The following JUP variants were observed in gnomAD, a reference collection of about 807,000 sequenced individuals.
The protein encoded by JUP is catenin (cadherin-associated protein), gamma 80kDa.
Under a neutral mutation model 71.1 loss-of-function variants are expected in JUP, and 28 were observed. That is an observed-to-expected ratio of 0.39 (90% CI 0.29 to 0.54). The LOEUF (loss-of-function observed/expected upper bound fraction) is 0.54. Among genes scored for constraint, JUP ranks in the 20% least tolerant of loss-of-function variants. The pLI, the probability that JUP is intolerant of heterozygous loss-of-function variation, is 0.62. For missense variants in JUP, 869 were observed against 1,030.1 expected (o/e 0.84, Z 2.14); for synonymous variants, 401 against 438.9 (o/e 0.91, Z 1.08).
At chr17:41,770,292 G>A (rs1386030882) in intron 2 of JUP, among the ~76,000 whole-genome samples, 1 of 152,160 alleles carries the variant, frequency 6.6e-6, no homozygotes, top group Non-Finnish European at 1.5e-5. Context: ...CAGGAGCTGG[G>A]TCCTCAGCTG....
In JUP at chr17:41,755,878, G is replaced by A. The variant is rs545547083; in HGVS notation, c.2104C>T (p.Arg702Cys). The change falls in exon 14 of 14, where the codon CGC (arginine) becomes TGC (cysteine). Residue 702 changes from arginine (R) to cysteine (C), a missense_variant. Arg to Cys is a radical substitution (Grantham distance 180, BLOSUM62 -3). Transcript: ENST00000393931. ...GGCACATCGCTGGAGTACATGGGGC[G>A]GTAGGTGGCATCCATGTCTGGGGAC... is the stretch of plus-strand genomic sequence containing the variant. Reference protein sequence around the residue: ...PYGDDMDATYRPMYSSDVPLD... With the variant: ...PYGDDMDATYCPMYSSDVPLD... The A allele has an allele frequency of 1.1e-5, 18 of 1,609,990 alleles. No individual in the cohort carries two copies. Among genetic ancestry groups the A allele is most frequent in the African/African-American group, 4.0e-5 (3 of 74,936 alleles).
At chr17:41,757,597 G>A in intron 11 of JUP, 37 bp downstream of exon 11, 3 of 1,614,106 alleles carry the variant, frequency 1.9e-6, no homozygotes, top group African/African-American at 1.3e-5. Context: ...CGTGGCTGGG[G>A]GAGTGGGACC....
chr17:41,764,566 G>C, intron 7 of JUP, 147 bp downstream of exon 7: 1 of 605,808 alleles, frequency 1.7e-6, no homozygotes, highest in Non-Finnish European at 2.9e-6. Flanking sequence ...AAGAGATGAG[G>C]GTTTTCAAGG....
At chr17:41,768,908 G>A in intron 4 of JUP, 61 bp downstream of exon 4, 1 of 1,275,386 alleles carries the variant, frequency 7.8e-7, no homozygotes, top group Non-Finnish European at 1.1e-6. Flanking sequence ...CTCAGGGAAG[G>A]GAGGGGAGAG....
chr17:41,779,836 T>TTC (rs2047076244), intron 1 of JUP, among the ~76,000 whole-genome samples: 1 of 150,568 alleles, frequency 6.6e-6, no homozygotes, highest in Non-Finnish European at 1.5e-5. Context: ...TGGCTAATTT[T>TTC]TTTTTTTTTT....
rs781958880 is a variant in JUP, at chr17:41,758,480, G to T, written c.1692C>A (p.Thr564=). 6.2e-7 allele frequency: 1 copy of T among 1,613,848 alleles called. No homozygotes were observed. The highest frequency in any genetic ancestry group is 1.1e-5 in the South Asian group (1 of 91,066). The change falls in exon 10 of 14, where the codon ACC becomes ACA. Residue 564 remains threonine, a synonymous_variant. Coordinates refer to ENST00000393931, the MANE Select transcript of JUP (RefSeq NM_002230.4). The part of the protein sequence containing the change: ...VRMEEIVEGC[T]GALHILARDP... ...CCCGGGCGAGGATGTGCAGTGCTCC[G>T]GTGCAGCCCTCCACAATCTCCTCCA...
chr17:41,766,372 C>G (rs782424955), intron 5 of JUP, among the ~76,000 whole-genome samples: 2 of 151,978 alleles, frequency 1.3e-5, no homozygotes, highest in Non-Finnish European at 2.9e-5. Flanking sequence ...GAAAGGCAAT[C>G]TGTCATTATT....
At chr17:41,763,661 C>T (rs1915248675) in intron 7 of JUP, among the ~76,000 whole-genome samples, 1 of 152,104 alleles carries the variant, frequency 6.6e-6, no homozygotes, top group Non-Finnish European at 1.5e-5. Flanking sequence ...CCTCCTCAGG[C>T]CAAAGTACGG....
At chr17:41,785,451 A>T (rs1555611536) in intron 1 of JUP, among the ~76,000 whole-genome samples, 1 of 151,360 alleles carries the variant, frequency 6.6e-6, no homozygotes, top group Non-Finnish European at 1.5e-5. Context: ...AGCACTTTCC[A>T]CCCCCCACCC....
intron 9 of JUP, 96 bp downstream of exon 9, chr17:41,758,619 C>T: frequency 6.4e-7 from 1 of 1,570,762 alleles, no homozygotes; most frequent in Non-Finnish European, 8.7e-7. Context: ...TTGGAATTGG[C>T]ATCAGTTGCA....
chr17:41,784,775 ACT>A (rs1209819272), intron 1 of JUP, among the ~76,000 whole-genome samples: 2 of 151,016 alleles, frequency 1.3e-5, no homozygotes, highest in African/African-American at 2.4e-5. Context: ...GAGGTGGTAG[ACT>A]CTTCCCCTCC....
intron 1 of JUP, among the ~76,000 whole-genome samples, chr17:41,783,608 G>A (rs150011685): frequency 2.6e-5 from 4 of 151,796 alleles, no homozygotes; most frequent in Non-Finnish European, 5.9e-5. Context: ...TAAGGATTAA[G>A]TAAAAATAGT....
chr17:41,773,377 C>T (rs1333892748), intron 1 of JUP, among the ~76,000 whole-genome samples: 1 of 152,232 alleles, frequency 6.6e-6, no homozygotes, highest in Admixed American at 6.5e-5. Flanking sequence ...CAGCCGTGAG[C>T]ACACCCGGAA....
At chr17:41,756,011 C>CT in intron 13 of JUP, 116 bp from the exon 14 acceptor site, 1 of 1,409,348 alleles carries the variant, frequency 7.1e-7, no homozygotes, top group Non-Finnish European at 9.8e-7. Flanking sequence ...GGCCTGACCC[C>CT]TCCCCAGACC....
intron 8 of JUP, among the ~76,000 whole-genome samples, chr17:41,762,005 G>A (rs1383179393): frequency 2.0e-5 from 3 of 151,544 alleles, no homozygotes; most frequent in Non-Finnish European, 4.4e-5. Context: ...GGAAGCAGAG[G>A]TTGCAGTGAG....
At chr17:41,759,813 T>C (rs969190622) in intron 8 of JUP, among the ~76,000 whole-genome samples, 5 of 152,132 alleles carry the variant, frequency 3.3e-5, no homozygotes, top group Non-Finnish European at 5.9e-5. Flanking sequence ...GCCACTTAGC[T>C]GCTGGGTTAG....
At chr17:41,763,435 G>C in intron 7 of JUP, 114 bp from the exon 8 acceptor site, 1 of 721,428 alleles carries the variant, frequency 1.4e-6, no homozygotes, top group Non-Finnish European at 2.4e-6. Flanking sequence ...GCCTGTGTGT[G>C]CCCGGGAACT....
intron 5 of JUP, among the ~76,000 whole-genome samples, chr17:41,766,098 C>T (rs537259075): frequency 2.6e-5 from 4 of 151,886 alleles, no homozygotes; most frequent in African/African-American, 4.8e-5. Context: ...AAACTTAGCC[C>T]GGGTGCTAAT....
At chr17:41,758,291 C>A in intron 10 of JUP, 108 bp downstream of exon 10, 1 of 1,485,476 alleles carries the variant, frequency 6.7e-7, no homozygotes, top group Non-Finnish European at 9.3e-7. Flanking sequence ...CCAAACTCCT[C>A]CAAAGACCTC....
Sources: gnomAD v4.1 joint callset for allele counts (sites outside exome capture counted in the v4.1 genomes callset) on GRCh38, gnomAD v4.1.1 for gene constraint, MANE v1.5 for transcripts, NCBI Gene and HGNC (gene_info 2026-07-23, HGNC 2026-07-21) for gene names.